Variants in NSD2 observed in about 807,000 individuals in gnomAD.
The protein encoded by NSD2 is histone-lysine N-methyltransferase NSD2.
NSD2 carries 12 observed loss-of-function variants against 139.0 expected under a neutral mutation model. The ratio of observed to expected loss-of-function variants is 0.09; its 90% CI spans 0.06 to 0.14. The LOEUF (loss-of-function observed/expected upper bound fraction) is 0.14. Ranked by LOEUF, NSD2 falls within the 10% of genes least tolerant of loss-of-function variation. The probability of loss-of-function intolerance (pLI) is 1.00; values close to 1 mark genes in which losing one functional copy is unlikely to be tolerated. For synonymous variants in NSD2, 669 were observed against 648.7 expected (o/e 1.03, Z -0.48); for missense variants, 1,155 against 1,745.0 (o/e 0.66, Z 6.02).
chr4:1,939,800 T>TA (rs375045284), intron 9 of NSD2, 22 bp downstream of exon 9: 12 of 1,614,020 alleles, frequency 7.4e-6, no homozygotes, highest in Non-Finnish European at 9.3e-6. Flanking sequence ...ATAATAACGA[T>TA]AACCATGGCA....
At chr4:1,923,379 A>G (rs1720424136) in intron 5 of NSD2, among the ~76,000 whole-genome samples, 1 of 152,122 alleles carries the variant, frequency 6.6e-6, no homozygotes, top group East Asian at 1.9e-4. Context: ...GTGAAAGGAC[A>G]AATTCTGTAA....
chr4:1,921,781 CAAAAAA>C (rs748895885), intron 5 of NSD2, among the ~76,000 whole-genome samples: 1 of 64,982 alleles, frequency 1.5e-5, no homozygotes, highest in Non-Finnish European at 3.2e-5. Context: ...GACTCTGTCT[CAAAAAA>C]AAAAAAAAAA....
intron 1 of NSD2, among the ~76,000 whole-genome samples, chr4:1,885,832 G>A (rs138198831): frequency 2.8e-3 from 419 of 152,146 alleles, no homozygotes; most frequent in African/African-American, 9.8e-3. Context: ...CAAGTTCCAG[G>A]CGCAGGAATG....
intron 5 of NSD2, among the ~76,000 whole-genome samples, chr4:1,929,810 AACCC>A (rs1721420809): frequency 6.6e-6 from 1 of 152,126 alleles, no homozygotes; most frequent in Non-Finnish European, 1.5e-5. Context: ...ACACATTAGC[AACCC>A]CTGGGAAACC....
At chr4:1,896,308 T>A (rs1716292285) in intron 1 of NSD2, among the ~76,000 whole-genome samples, 1 of 152,276 alleles carries the variant, frequency 6.6e-6, no homozygotes, top group Admixed American at 6.5e-5. Context: ...ATGGGCAGCC[T>A]GCAGCCTATG....
intron 5 of NSD2, 120 bp downstream of exon 5, chr4:1,918,743 T>A: frequency 1.5e-6 from 2 of 1,354,372 alleles, no homozygotes; most frequent in Non-Finnish European, 2.0e-6. Flanking sequence ...TTGCATAGAT[T>A]TTAGATCTAA....
chr4:1,872,382 C>G (rs1193842814), intron 1 of NSD2, among the ~76,000 whole-genome samples: 1 of 152,134 alleles, frequency 6.6e-6, no homozygotes, highest in Non-Finnish European at 1.5e-5. Flanking sequence ...GGTTTAAAAT[C>G]TCGGCGTTTA....
At chr4:1,963,189 G>A (rs2108983939) in intron 18 of NSD2, among the ~76,000 whole-genome samples, 1 of 152,348 alleles carries the variant, frequency 6.6e-6, no homozygotes, top group Non-Finnish European at 1.5e-5. Flanking sequence ...GAGCAAAAAG[G>A]CAAGATGGGA....
In NSD2 at chr4:1,950,931, G is replaced by A. The variant is rs534329121; in HGVS notation, c.1882-141G>A. The A allele has an allele frequency of 4.4e-6, 5 of 1,145,618 alleles. No individual in the cohort carries two copies. The African/African-American group carries it at 4.6e-5, about 11-fold the overall frequency. The allele number at this position is 1,145,618 out of a possible 1,614,324, so 71.0% of individuals were successfully genotyped here. A position where few individuals can be genotyped will look rare whatever the true frequency, so the allele number is the denominator to read the frequency against. ...AAAACCAGTTGATGATGGTTCCACT[G>A]TGAAATCACTGGCGGTACAGGACCA... On this transcript the variant is annotated intron_variant, in intron 9 of 21. Transcript: ENST00000508803.
chr4:1,879,866 C>T (rs1298374035), intron 1 of NSD2, among the ~76,000 whole-genome samples: 1 of 145,804 alleles, frequency 6.9e-6, no homozygotes, highest in Non-Finnish European at 1.5e-5. Flanking sequence ...GTGTTTTCTC[C>T]CAAGTTTGTC....
At chr4:1,959,410 G>A (rs474235) in intron 16 of NSD2, 61 bp from the exon 17 acceptor site, 1,290,225 of 1,574,020 alleles carry the variant, frequency 0.82, 541,627 homozygotes, top group East Asian at 0.98. Flanking sequence ...AGTGGTGGGT[G>A]TGCAAGGGTA....
chr4:1,873,597 A>G (rs1714029630), intron 1 of NSD2, among the ~76,000 whole-genome samples: 1 of 152,126 alleles, frequency 6.6e-6, no homozygotes, highest in Admixed American at 6.5e-5. Flanking sequence ...ACTCCTCCTA[A>G]TCCTGTGGGG....
At chr4:1,913,292 C>T (rs1018973188) in intron 3 of NSD2, among the ~76,000 whole-genome samples, 4 of 152,218 alleles carry the variant, frequency 2.6e-5, no homozygotes, top group Non-Finnish European at 4.4e-5. Context: ...GCGCCAGTGC[C>T]TGAGAAGGCA....
chr4:1,888,057 C>T (rs923895760), intron 1 of NSD2, among the ~76,000 whole-genome samples: 44 of 152,042 alleles, frequency 2.9e-4, no homozygotes, highest in African/African-American at 1.1e-3. Flanking sequence ...CCTTAGTTTA[C>T]CTTCATGTTT....
At chr4:1,910,269 A>G (rs1718493359) in intron 3 of NSD2, among the ~76,000 whole-genome samples, 1 of 151,498 alleles carries the variant, frequency 6.6e-6, no homozygotes. Context: ...TCTGTCACCC[A>G]GGCTGGAGTG....
chr4:1,919,199 G>A (rs1719809638), intron 5 of NSD2: 1 of 151,906 alleles, frequency 6.6e-6, no homozygotes, highest in Non-Finnish European at 1.5e-5. Context: ...CTAGCACAGA[G>A]GGAAGTGGGT....
chr4:1,891,856 CAA>C (rs74332369), intron 1 of NSD2, among the ~76,000 whole-genome samples: 5 of 59,182 alleles, frequency 8.4e-5, no homozygotes, highest in Middle Eastern at 0.01. Context: ...GACTCCATCT[CAA>C]AAAAAAAAAA....
rs576642327 is a variant in NSD2 at position 1,975,784 on chromosome 4, C to T, written c.3621+384C>T. ...CAGCACCGCCCAACCATTCTCCCTG[C>T]GAACATGACTGTTGACTTGCCCTTC... On this transcript the variant is annotated intron_variant, in intron 20 of 21. Transcript: ENST00000508803. The T allele has an allele frequency of 2.3e-4, 50 of 219,336 alleles. 1 individual carries two copies. Among genetic ancestry groups the T allele is most frequent in the Non-Finnish European group, 1.5e-4 (17 of 109,700 alleles). The allele number at this position is 219,336 out of a possible 1,614,324, so 13.6% of individuals were successfully genotyped here.
chr4:1,963,648 A>C (rs1725586924), intron 18 of NSD2, among the ~76,000 whole-genome samples: 1 of 152,216 alleles, frequency 6.6e-6, no homozygotes, highest in South Asian at 2.1e-4. Flanking sequence ...GAGGTACCTG[A>C]TTGAGGCAAA....
Sources: allele counts gnomAD v4.1 joint callset (sites outside exome capture counted in the v4.1 genomes callset), GRCh38; gene constraint gnomAD v4.1.1; transcripts MANE v1.5; gene names NCBI Gene and HGNC (gene_info 2026-07-23, HGNC 2026-07-21).